Variants in BPNT2 observed in about 807,000 individuals in gnomAD.
BPNT2 encodes the protein 3'(2'), 5'-bisphosphate nucleotidase 2.
Under a neutral mutation model 29.3 loss-of-function variants are expected in BPNT2, and 11 were observed. The ratio of observed to expected loss-of-function variants is 0.38; its 90% CI spans 0.24 to 0.62. The LOEUF (loss-of-function observed/expected upper bound fraction) is 0.62, where lower values mean the gene tolerates loss of function less well. Ranked by LOEUF, BPNT2 falls within the 20% of genes least tolerant of loss-of-function variation. The pLI is 0.62. For missense variants in BPNT2, 459 were observed against 473.4 expected (o/e 0.97, Z 0.28); for synonymous variants, 195 against 187.7 (o/e 1.04, Z -0.32).
chr8:56,974,024 A>G (rs1040634558), intron 3 of BPNT2, among the ~76,000 whole-genome samples: 25 of 152,222 alleles, frequency 1.6e-4, no homozygotes, highest in Middle Eastern at 6.8e-3. Flanking sequence ...TGCCTATTCA[A>G]TGTGAAGACA....
intron 3 of BPNT2, among the ~76,000 whole-genome samples, chr8:56,968,872 G>A (rs1379297814): frequency 2.6e-5 from 4 of 152,206 alleles, no homozygotes; most frequent in Admixed American, 6.5e-5. Flanking sequence ...TTGGAAGCAG[G>A]ATCTTTGCAA....
At position 56,963,664 on chromosome 8, in the gene BPNT2, C is replaced by T; in HGVS notation, c.*129G>A. ...TTACAGGGAAAATAAGTCTCTGATG[C>T]TTCATAAATACTTTAAAAAGTTCGG... On this transcript the variant is annotated 3_prime_UTR_variant, in exon 5 of 5. Coordinates refer to ENST00000262644, the MANE Select transcript of BPNT2 (RefSeq NM_017813.5). The T allele has an allele frequency of 6.0e-6, 6 of 1,003,840 alleles. No individual in the cohort carries two copies. Among genetic ancestry groups the T allele is most frequent in the Non-Finnish European group, 9.2e-6 (6 of 653,022 alleles). The allele number at this position is 1,003,840 out of a possible 1,614,324, so 62.2% of individuals were successfully genotyped here. A position where few individuals can be genotyped will look rare whatever the true frequency, so the allele number is the denominator to read the frequency against.
intron 1 of BPNT2, among the ~76,000 whole-genome samples, chr8:56,988,873 A>C (rs1806367515): frequency 6.6e-6 from 1 of 152,172 alleles, no homozygotes. Context: ...AAAGCTACAG[A>C]GGAGTTATTT....
intron 3 of BPNT2, 142 bp downstream of exon 3, chr8:56,977,908 G>C (rs1195386761): frequency 1.5e-5 from 10 of 678,020 alleles, no homozygotes; most frequent in African/African-American, 1.8e-5. Flanking sequence ...TGTTGTTTAA[G>C]ACACATAATT....
intron 1 of BPNT2, among the ~76,000 whole-genome samples, chr8:56,990,280 C>A (rs889743318): frequency 6.6e-6 from 1 of 152,158 alleles, no homozygotes; most frequent in Admixed American, 6.5e-5. Flanking sequence ...GTCCCCTGTA[C>A]ATTAAATCAA....
rs1554539129 is a variant in BPNT2, at chr8:56,971,787, C to CCG, written c.647-5436_647-5435insCG. On this transcript the variant is annotated intron_variant, in intron 3 of 4. Coordinates refer to ENST00000262644, the MANE Select transcript of BPNT2 (RefSeq NM_017813.5). ...TACTGAAATAATTTTGTACCACCCC[C>CCG]CCCCCCACAATGCTACTGTGTGGGC... Among the ~76,000 whole-genome samples the CCG allele has an allele frequency of 1.4e-5, 2 of 144,170 alleles. 1 individual carries two copies. The highest frequency in any genetic ancestry group is 3.1e-5 in the Non-Finnish European group (2 of 65,138). The allele number at this position is 144,170 out of a possible 152,430, so 94.6% of individuals were successfully genotyped here. A position where few individuals can be genotyped will look rare whatever the true frequency, so the allele number is the denominator to read the frequency against.
At chr8:56,965,983 T>C (rs1011916198) in intron 4 of BPNT2, among the ~76,000 whole-genome samples, 38 of 152,202 alleles carry the variant, frequency 2.5e-4, no homozygotes, top group African/African-American at 9.2e-4. Flanking sequence ...GAGAAACCAC[T>C]GTTGTGAGAC....
At position 56,978,156 on chromosome 8, in the gene BPNT2, A is replaced by G. The variant is rs1806176701; in HGVS notation, c.551-11T>C. On this transcript the variant is annotated splice_polypyrimidine_tract_variant and intron_variant, in intron 2 of 4. Transcript: ENST00000262644. The stretch of plus-strand genomic sequence containing the variant: ...ACTTTCGAAGATCCTCTATGAGAAA[A>G]AAAACAAAACAACACACACAAATGT... 5.9e-6 allele frequency: 9 copies of G among 1,531,878 alleles called. No individual in the cohort carries two copies. Among genetic ancestry groups the G allele is most frequent in the Non-Finnish European group, 8.1e-6 (9 of 1,106,706 alleles). The allele number at this position is 1,531,878 out of a possible 1,614,324, so 94.9% of individuals were successfully genotyped here. A position where few individuals can be genotyped will look rare whatever the true frequency, so the allele number is the denominator to read the frequency against.
chr8:56,982,243 C>T (rs921504695), intron 1 of BPNT2, among the ~76,000 whole-genome samples: 1 of 151,774 alleles, frequency 6.6e-6, no homozygotes, highest in African/African-American at 2.4e-5. Context: ...CCTGCCTCAG[C>T]CTCCGAGTAG....
intron 3 of BPNT2, among the ~76,000 whole-genome samples, chr8:56,972,359 C>G (rs1585559246): frequency 6.6e-6 from 1 of 151,242 alleles, no homozygotes; most frequent in Non-Finnish European, 1.5e-5. Context: ...TTGATATACA[C>G]CACAGATTGA....
intron 3 of BPNT2, among the ~76,000 whole-genome samples, chr8:56,968,044 T>G (rs1380540423): frequency 6.6e-6 from 1 of 152,058 alleles, no homozygotes; most frequent in Non-Finnish European, 1.5e-5. Context: ...ATTAAAACAT[T>G]TCAGGATACT....
At chr8:56,990,554 G>A (rs1357640801) in intron 1 of BPNT2, among the ~76,000 whole-genome samples, 2 of 152,138 alleles carry the variant, frequency 1.3e-5, no homozygotes, top group Non-Finnish European at 1.5e-5. Context: ...GGTGAAATCT[G>A]AGTTTTGTTA....
rs1207679205 is a variant in BPNT2 at position 56,978,093 on chromosome 8, T to C, written c.603A>G (p.Lys201=). ...GCTTATGTATAACTCCTAGCATGGGTTTACCATTTACAGCCACACACACCA... is the reference window on the plus strand; with the variant it reads ...GCTTATGTATAACTCCTAGCATGGGCTTACCATTTACAGCCACACACACCA... The part of the protein sequence containing the change: ...TTMVCVAVNG[K]PMLGVIHKPF... Residue 201 remains lysine, a synonymous_variant, in exon 3 of 5, where the codon AAA becomes AAG. Coordinates refer to ENST00000262644, the MANE Select transcript of BPNT2 (RefSeq NM_017813.5). 5.0e-6 allele frequency: 8 copies of C among 1,612,222 alleles called. 1 individual carries two copies. In the Admixed American group the frequency reaches 1.3e-4, roughly 27 times the overall value.
intron 3 of BPNT2, among the ~76,000 whole-genome samples, chr8:56,970,385 A>C (rs1806010926): frequency 6.6e-6 from 1 of 152,338 alleles, no homozygotes; most frequent in South Asian, 2.1e-4. Context: ...AAAATAAAGA[A>C]GTTAAATGAC....
At chr8:56,989,358 C>T (rs369929487) in intron 1 of BPNT2, among the ~76,000 whole-genome samples, 319 of 141,502 alleles carry the variant, frequency 2.3e-3, no homozygotes, top group African/African-American at 7.8e-3. Context: ...GGCGACAGAG[C>T]GAGACACCAT....
chr8:56,958,230 T>C lies in BPNT2; in HGVS notation c.*5563A>G, dbSNP rs1322217407. ...ATTTAGCTCAACACACATTAAGTAC[T>C]TAATTTGTGCAAGAGACTGGGCTAT... is the stretch of plus-strand genomic sequence containing the variant. On this transcript the variant is annotated 3_prime_UTR_variant, in exon 5 of 5. Coordinates refer to ENST00000262644, the MANE Select transcript of BPNT2 (RefSeq NM_017813.5). 6.6e-6 allele frequency: 1 copy of C among 152,168 alleles called. No individual in the cohort carries two copies. Among genetic ancestry groups the C allele is most frequent in the East Asian group, 1.9e-4 (1 of 5,196 alleles). 9.4% of individuals were successfully genotyped at this position (152,168 alleles called of 1,614,324 possible).
At chr8:56,971,792 C>CCCA (rs1554539144) in intron 3 of BPNT2, among the ~76,000 whole-genome samples, 1 of 147,692 alleles carries the variant, frequency 6.8e-6, no homozygotes, top group South Asian at 2.3e-4. Flanking sequence ...ACCCCCCCCC[C>CCCA]CACAATGCTA....
intron 4 of BPNT2, chr8:56,964,330 G>A (rs915919355): frequency 3.0e-5 from 9 of 297,728 alleles, no homozygotes; most frequent in Non-Finnish European, 5.1e-5. Flanking sequence ...ACAGAGTCTC[G>A]CTCTGTCACT....
Position 56,980,462 on chromosome 8 carries a change from T to C in BPNT2, c.388-265A>G, listed in dbSNP as rs186615929. On this transcript the variant is annotated intron_variant, in intron 1 of 4. Transcript: ENST00000262644. ...CAGATAATTCGGATATAGAGAAATA[T>C]AGAGAAACTGAGCATTGAAGAAACA... 3.9e-5 allele frequency among the ~76,000 whole-genome samples: 6 copies of C among 152,084 alleles called. No homozygotes were observed. In the East Asian group the frequency reaches 5.8e-4, roughly 15 times the overall value.
Sources: allele counts gnomAD v4.1 joint callset (sites outside exome capture counted in the v4.1 genomes callset), GRCh38; gene constraint gnomAD v4.1.1; transcripts MANE v1.5; gene names NCBI Gene and HGNC (gene_info 2026-07-23, HGNC 2026-07-21).